The following RNF130 variants were observed in gnomAD, a reference collection of about 807,000 sequenced individuals.
The protein encoded by RNF130 is ring finger protein 130.
A neutral mutation model predicts 44.6 loss-of-function variants in RNF130; 21 were observed. That is an observed-to-expected ratio of 0.47 (90% CI 0.33 to 0.68). RNF130 has a LOEUF of 0.68. Ranked by LOEUF, RNF130 falls within the 30% of genes least tolerant of loss-of-function variation. The probability of loss-of-function intolerance (pLI) is 0.02; values close to 1 mark genes in which losing one functional copy is unlikely to be tolerated. For missense variants in RNF130, 479 were observed against 560.6 expected, an observed-to-expected ratio of 0.85 and a Z score of 1.47; for synonymous variants, 214 against 210.4, an observed-to-expected ratio of 1.02 and a Z score of -0.15.
Position 180,058,471 on chromosome 5 carries a change from C to T in RNF130, c.247+12985G>A, listed in dbSNP as rs536833870. On this transcript the variant is annotated intron_variant, in intron 1 of 8. Transcript: ENST00000521389. The stretch of plus-strand genomic sequence containing the variant: ...ACAAATTATGAGGAACTAACCTAGT[C>T]GAATTCATAGAGACAGAAAGTAGAG... Among the ~76,000 whole-genome samples the T allele has an allele frequency of 1.6e-4, 24 of 152,248 alleles. No homozygotes were observed. The South Asian group carries it at 3.7e-3, about 24-fold the overall frequency.
intron 3 of RNF130, among the ~76,000 whole-genome samples, chr5:179,996,409 G>A (rs1297714874): frequency 5.3e-5 from 8 of 152,194 alleles, no homozygotes. Context: ...CATCTTAGTG[G>A]AAACGTTTTC....
intron 3 of RNF130, among the ~76,000 whole-genome samples, chr5:179,982,443 TTTTA>T (rs1449456063): frequency 2.6e-5 from 4 of 152,142 alleles, no homozygotes; most frequent in African/African-American, 9.7e-5. Flanking sequence ...GTTGTCTGAC[TTTTA>T]TTTAAGAGAC....
chr5:180,018,554 T>C (rs1434239225), intron 2 of RNF130, among the ~76,000 whole-genome samples: 3 of 152,132 alleles, frequency 2.0e-5, no homozygotes, highest in African/African-American at 4.8e-5. Flanking sequence ...ATTATAGGGA[T>C]TGCAATTCAA....
At chr5:179,973,689 C>T (rs1762640233) in intron 5 of RNF130, among the ~76,000 whole-genome samples, 1 of 152,112 alleles carries the variant, frequency 6.6e-6, no homozygotes, top group Admixed American at 6.5e-5. Context: ...TCCATGGACA[C>T]CCAGGAGGCC....
chr5:179,998,798 T>C (rs565237772), intron 3 of RNF130, among the ~76,000 whole-genome samples: 1 of 148,076 alleles, frequency 6.8e-6, no homozygotes, highest in Admixed American at 6.8e-5. Context: ...AAGAGTGGGG[T>C]GTTGAATTCC....
intron 8 of RNF130, chr5:179,955,934 C>T: frequency 2.7e-6 from 1 of 367,030 alleles, no homozygotes; most frequent in Non-Finnish European, 5.0e-6. Context: ...TGTTTAAATA[C>T]ACAGGGACAA....
intron 1 of RNF130, among the ~76,000 whole-genome samples, chr5:180,067,311 AT>A (rs1173378716): frequency 6.6e-6 from 1 of 152,204 alleles, no homozygotes; most frequent in African/African-American, 2.4e-5. Context: ...CATTGTACAC[AT>A]TAAGATCTTT....
At chr5:180,068,468 CAA>C (rs1173413380) in intron 1 of RNF130, among the ~76,000 whole-genome samples, 1 of 152,184 alleles carries the variant, frequency 6.6e-6, no homozygotes, top group African/African-American at 2.4e-5. Context: ...GACTTAATGA[CAA>C]AGACATATTT....
downstream of RNF130, among the ~76,000 whole-genome samples, chr5:179,954,386 A>T (rs1762170134): frequency 6.6e-6 from 1 of 152,230 alleles, no homozygotes; most frequent in Non-Finnish European, 1.5e-5. Flanking sequence ...TATACTATGG[A>T]GTGTTAACCA....
At chr5:180,044,558 G>C (rs1764511133) in intron 1 of RNF130, among the ~76,000 whole-genome samples, 1 of 152,138 alleles carries the variant, frequency 6.6e-6, no homozygotes, top group Non-Finnish European at 1.5e-5. Context: ...ACATGGCCGG[G>C]CGCGGTGGCT....
intron 3 of RNF130, among the ~76,000 whole-genome samples, chr5:179,987,713 CTATT>C (rs529507426): frequency 2.0e-5 from 3 of 152,226 alleles, no homozygotes; most frequent in Non-Finnish European, 2.9e-5. Flanking sequence ...TTTTCTGTGT[CTATT>C]GAGAATCTGG....
At chr5:179,993,023 C>T (rs967285350) in intron 3 of RNF130, among the ~76,000 whole-genome samples, 9 of 152,176 alleles carry the variant, frequency 5.9e-5, no homozygotes, top group African/African-American at 1.7e-4. Context: ...TGGTTTCCAG[C>T]TTCATCCATG....
intron 3 of RNF130, among the ~76,000 whole-genome samples, chr5:180,009,033 G>C (rs917591374): frequency 6.6e-6 from 1 of 152,148 alleles, no homozygotes; most frequent in African/African-American, 2.4e-5. Flanking sequence ...AAATATGTGA[G>C]GCATAGCCTT....
At chr5:179,971,319 G>A (rs1041277602) in intron 5 of RNF130, among the ~76,000 whole-genome samples, 6 of 152,184 alleles carry the variant, frequency 3.9e-5, no homozygotes, top group Non-Finnish European at 8.8e-5. Flanking sequence ...AGACGTTCAG[G>A]GCAGCTTTGG....
At chr5:179,928,186 A>G (rs1761733304) in intron 7 of RNF130, among the ~76,000 whole-genome samples, 1 of 152,160 alleles carries the variant, frequency 6.6e-6, no homozygotes, top group African/African-American at 2.4e-5. Flanking sequence ...ACACATGGAC[A>G]TGCCTTTCCC....
chr5:180,050,943 A>G (rs932031462), intron 1 of RNF130, among the ~76,000 whole-genome samples: 4 of 151,970 alleles, frequency 2.6e-5, no homozygotes, highest in Non-Finnish European at 5.9e-5. Context: ...AGCTGGGACT[A>G]CAGGCATGCA....
intron 7 of RNF130, among the ~76,000 whole-genome samples, chr5:179,949,682 T>C (rs1582135513): frequency 6.6e-6 from 1 of 152,228 alleles, no homozygotes; most frequent in Non-Finnish European, 1.5e-5. Context: ...TTCTTAGTTG[T>C]GTGAAATTAA....
chr5:179,985,494 C>G (rs992888354), intron 3 of RNF130, among the ~76,000 whole-genome samples: 1 of 152,066 alleles, frequency 6.6e-6, no homozygotes, highest in Non-Finnish European at 1.5e-5. Flanking sequence ...CACTCTGAAG[C>G]CTTCAGTATT....
At chr5:180,000,627 C>A (rs551943305) in intron 3 of RNF130, among the ~76,000 whole-genome samples, 117 of 152,202 alleles carry the variant, frequency 7.7e-4, no homozygotes, top group African/African-American at 2.6e-3. Context: ...TTTCAAATAA[C>A]CTATCTTCAA....
Sources: gnomAD v4.1 joint callset for allele counts (sites outside exome capture counted in the v4.1 genomes callset) on GRCh38, gnomAD v4.1.1 for gene constraint, MANE v1.5 for transcripts, NCBI Gene and HGNC (gene_info 2026-07-23, HGNC 2026-07-21) for gene names.